Variants in SORCS1 observed in about 807,000 individuals in gnomAD.
SORCS1 encodes VPS10 domain-containing receptor SorCS1.
Under a neutral mutation model 146.1 loss-of-function variants are expected in SORCS1, and 60 were observed. The ratio of observed to expected loss-of-function variants is 0.41; its 90% confidence interval spans 0.33 to 0.51. The LOEUF (loss-of-function observed/expected upper bound fraction) is 0.51, where lower values mean the gene tolerates loss of function less well. Among genes scored for constraint, SORCS1 ranks in the 20% least tolerant of loss-of-function variants. The pLI, the probability that SORCS1 is intolerant of heterozygous loss-of-function variation, is 0.21. For missense variants in SORCS1, 1,352 were observed against 1,487.6 expected, an observed-to-expected ratio of 0.91 and a Z score of 1.50; for synonymous variants, 637 against 584.0, an observed-to-expected ratio of 1.09 and a Z score of -1.31.
chr10:106,713,934 C>A (rs1056833272), intron 6 of SORCS1, among the ~76,000 whole-genome samples: 11 of 151,880 alleles, frequency 7.2e-5, no homozygotes, highest in African/African-American at 2.7e-4. Flanking sequence ...AAATGCAGGA[C>A]CAGCCTGACC....
intron 2 of SORCS1, among the ~76,000 whole-genome samples, chr10:106,884,820 A>G (rs1393901431): frequency 1.3e-5 from 2 of 152,204 alleles, no homozygotes; most frequent in Non-Finnish European, 2.9e-5. Flanking sequence ...AAAGTGATCT[A>G]TCTCATAGTG....
In SORCS1 at chr10:107,131,349, T is replaced by C. The variant is rs543375438; in HGVS notation, c.558+32620A>G. ...TTTTCTAAAACTAATCTATCAACTA[T>C]AGAGCCTCCCTCAAAAACTGCTGTT... On this transcript the variant is annotated intron_variant, in intron 1 of 25. Transcript: ENST00000263054. Among the ~76,000 whole-genome samples the C allele has an allele frequency of 2.6e-5, 4 of 152,338 alleles. No individual in the cohort carries two copies. In the East Asian group the frequency reaches 5.8e-4, roughly 22 times the overall value.
chr10:106,942,344 A>G (rs1384143700), intron 2 of SORCS1, among the ~76,000 whole-genome samples: 1 of 152,002 alleles, frequency 6.6e-6, no homozygotes. Flanking sequence ...CCTCTTATCT[A>G]CCACTCAAGC....
chr10:106,622,650 A>G (rs1320503051), intron 19 of SORCS1, among the ~76,000 whole-genome samples: 1 of 152,234 alleles, frequency 6.6e-6, no homozygotes, highest in Non-Finnish European at 1.5e-5. Flanking sequence ...AGTTCAATGA[A>G]ATAATAAAAG....
At chr10:106,688,166 C>T in intron 10 of SORCS1, 26 bp downstream of exon 10, 1 of 1,608,500 alleles carries the variant, frequency 6.2e-7, no homozygotes, top group Non-Finnish European at 8.5e-7. Flanking sequence ...CTGTGTGAGG[C>T]ATTCTGCTTC....
At chr10:106,610,045 G>T (rs1846870497) in intron 22 of SORCS1, among the ~76,000 whole-genome samples, 1 of 152,182 alleles carries the variant, frequency 6.6e-6, no homozygotes, top group South Asian at 2.1e-4. Flanking sequence ...GAGTAGAAAG[G>T]CCTATTCCTT....
chr10:107,037,036 G>A (rs1178758624), intron 1 of SORCS1, among the ~76,000 whole-genome samples: 3 of 151,828 alleles, frequency 2.0e-5, no homozygotes, highest in Non-Finnish European at 4.4e-5. Flanking sequence ...ATCTGAGGTC[G>A]GGAGTTTGAG....
At chr10:107,146,905 T>A (rs527319917) in intron 1 of SORCS1, among the ~76,000 whole-genome samples, 1 of 152,188 alleles carries the variant, frequency 6.6e-6, no homozygotes, top group African/African-American at 2.4e-5. Context: ...TGTACTCATG[T>A]CTAGCGAATA....
At chr10:107,163,332 C>T (rs1404459729) in intron 1 of SORCS1, among the ~76,000 whole-genome samples, 1 of 152,318 alleles carries the variant, frequency 6.6e-6, no homozygotes, top group Middle Eastern at 3.4e-3. Context: ...GGCTGGAAAG[C>T]CCCAGTTCTC....
At chr10:107,102,460 C>T (rs1213010850) in intron 1 of SORCS1, among the ~76,000 whole-genome samples, 1 of 152,150 alleles carries the variant, frequency 6.6e-6, no homozygotes, top group African/African-American at 2.4e-5. Context: ...TGGTTTCCAG[C>T]AGTGGCAAGA....
upstream of SORCS1, among the ~76,000 whole-genome samples, chr10:107,164,794 G>T (rs1430884820): frequency 6.7e-6 from 1 of 148,374 alleles, no homozygotes; most frequent in Admixed American, 6.7e-5. The surrounding 1 kb of genome is among the most constrained non-coding windows in gnomAD (Gnocchi z 6.8). Flanking sequence ...GCGGGCGCTG[G>T]CGGGCGACGC....
intron 2 of SORCS1, among the ~76,000 whole-genome samples, chr10:106,948,467 G>T (rs1253052068): frequency 2.0e-5 from 3 of 151,842 alleles, no homozygotes; most frequent in Non-Finnish European, 4.4e-5. Context: ...GAAGCCAGGG[G>T]TCCAAGACCA....
At position 106,653,774 on chromosome 10, in the gene SORCS1, T is replaced by C. The variant is rs898439859; in HGVS notation, c.2304-1221A>G. Among the ~76,000 whole-genome samples, 30 of 152,350 alleles carry C rather than the reference T, an allele frequency of 2.0e-4. No homozygotes were observed. The East Asian group carries it at 4.8e-3, about 24-fold the overall frequency. On this transcript the variant is annotated intron_variant, in intron 17 of 25. Transcript: ENST00000263054. The stretch of plus-strand genomic sequence containing the variant: ...TCATATGTTAAATGTAAGAATTAAA[T>C]GGGTTAATGTACACAGAGTACTTAA...
At chr10:106,916,536 A>G (rs1952435717) in intron 2 of SORCS1, among the ~76,000 whole-genome samples, 1 of 147,388 alleles carries the variant, frequency 6.8e-6, no homozygotes, top group East Asian at 2.0e-4. Flanking sequence ...AATTATGTGT[A>G]TCTATGCACA....
chr10:107,168,908 T>C (rs1408136954), upstream of SORCS1, among the ~76,000 whole-genome samples: 1 of 152,182 alleles, frequency 6.6e-6, no homozygotes, highest in African/African-American at 2.4e-5. Context: ...GCACTCTAAT[T>C]GGCTTGAAAC....
At chr10:106,846,150 T>C (rs1949309045) in intron 2 of SORCS1, among the ~76,000 whole-genome samples, 2 of 27,840 alleles carry the variant, frequency 7.2e-5, no homozygotes, top group South Asian at 3.0e-3. Context: ...GGGGATGGCA[T>C]TGAATCTGTA....
At chr10:106,646,699 T>G (rs1050059861) in intron 18 of SORCS1, among the ~76,000 whole-genome samples, 1 of 151,904 alleles carries the variant, frequency 6.6e-6, no homozygotes, top group Non-Finnish European at 1.5e-5. Flanking sequence ...TCAAAAAAAA[T>G]AAATAAATAC....
At chr10:107,177,901 C>T in the SORCS1 span, among the ~76,000 whole-genome samples, 3 of 152,054 alleles carry the variant, frequency 2.0e-5, no homozygotes, top group African/African-American at 7.2e-5. Context: ...GACATAGGAA[C>T]AGAAAACCAA....
chr10:107,042,129 C>T (rs1217223366), intron 1 of SORCS1, among the ~76,000 whole-genome samples: 2 of 152,146 alleles, frequency 1.3e-5, no homozygotes, highest in African/African-American at 4.8e-5. Context: ...GAAATTATCA[C>T]AGTAAATAAA....
Sources: gnomAD v4.1 joint callset for allele counts (sites outside exome capture counted in the v4.1 genomes callset) on GRCh38, gnomAD v4.1.1 for gene constraint, Gnocchi (gnomAD v3.1) non-coding constraint, MANE v1.5 for transcripts, NCBI Gene and HGNC (gene_info 2026-07-23, HGNC 2026-07-21) for gene names.